The following THSD7B variants were observed in gnomAD, a reference collection of about 807,000 sequenced individuals.
THSD7B encodes thrombospondin type 1 domain containing 7B.
THSD7B carries 138 observed loss-of-function variants against 213.6 expected under a neutral mutation model. The observed-to-expected ratio is 0.65, with a 90% CI of 0.56 to 0.74. The LOEUF (loss-of-function observed/expected upper bound fraction) is 0.74, where lower values mean the gene tolerates loss of function less well. Among genes scored for constraint, THSD7B ranks in the 30% least tolerant of loss-of-function variants. The pLI is 0.00. For synonymous variants in THSD7B, 742 were observed against 687.0 expected, an observed-to-expected ratio of 1.08 and a Z score of -1.25; for missense variants, 1,931 against 1,991.5, an observed-to-expected ratio of 0.97 and a Z score of 0.58.
intron 1 of THSD7B, among the ~76,000 whole-genome samples, chr2:136,784,978 T>G (rs1230142530): frequency 6.6e-6 from 1 of 152,214 alleles, no homozygotes; most frequent in African/African-American, 2.4e-5. Flanking sequence ...AATTGTAGGT[T>G]AACTTCATTA....
At chr2:137,041,933 T>C (rs1686889860) in intron 2 of THSD7B, among the ~76,000 whole-genome samples, 1 of 152,214 alleles carries the variant, frequency 6.6e-6, no homozygotes, top group South Asian at 2.1e-4. Flanking sequence ...GAGCATGTCC[T>C]GTAGGTAGGG....
chr2:137,276,242 A>G (rs1431577624), intron 12 of THSD7B, among the ~76,000 whole-genome samples: 2 of 142,822 alleles, frequency 1.4e-5, no homozygotes, highest in Admixed American at 6.9e-5. Flanking sequence ...TAAGGACTAA[A>G]GCAATATAAG....
intron 17 of THSD7B, among the ~76,000 whole-genome samples, chr2:137,580,204 A>C (rs1681545301): frequency 6.6e-6 from 1 of 152,162 alleles, no homozygotes; most frequent in African/African-American, 2.4e-5. Context: ...TTTTCTAGAT[A>C]TGTTAAAAAA....
At chr2:137,140,615 A>G (rs1487023436) in intron 5 of THSD7B, among the ~76,000 whole-genome samples, 2 of 152,056 alleles carry the variant, frequency 1.3e-5, no homozygotes, top group Non-Finnish European at 2.9e-5. Context: ...TGCCAACTGG[A>G]TAAGAGAGAA....
intron 14 of THSD7B, among the ~76,000 whole-genome samples, chr2:137,419,334 C>A (rs1340090666): frequency 6.6e-6 from 1 of 150,742 alleles, no homozygotes. Context: ...GTAGCCACTG[C>A]AATTGAGCTC....
intron 1 of THSD7B, among the ~76,000 whole-genome samples, chr2:136,870,731 G>A (rs1401722053): frequency 6.6e-6 from 1 of 152,198 alleles, no homozygotes; most frequent in African/African-American, 2.4e-5. Context: ...CAGTGTGTCT[G>A]GGGCACAGGA....
chr2:137,221,050 C>T (rs995225), intron 7 of THSD7B, among the ~76,000 whole-genome samples: 90,720 of 151,922 alleles, frequency 0.6, 27,510 homozygotes, highest in South Asian at 0.71. Context: ...CCTGTAATCC[C>T]AGCACTTTGG....
intron 10 of THSD7B, among the ~76,000 whole-genome samples, chr2:137,254,914 CAG>C (rs1405659206): frequency 1.3e-5 from 2 of 151,664 alleles, no homozygotes; most frequent in Non-Finnish European, 1.5e-5. Flanking sequence ...TATGTCGAGA[CAG>C]AGAAAGAGTG....
chr2:137,536,737 A>G (rs1259488889), intron 15 of THSD7B, among the ~76,000 whole-genome samples: 1 of 151,732 alleles, frequency 6.6e-6, no homozygotes, highest in Admixed American at 6.6e-5. Context: ...TTAGCACATC[A>G]TAATACATTC....
At chr2:136,885,513 T>C (rs916918679) in intron 2 of THSD7B, among the ~76,000 whole-genome samples, 5 of 152,164 alleles carry the variant, frequency 3.3e-5, no homozygotes, top group Non-Finnish European at 7.3e-5. Context: ...GTTAGCTGTG[T>C]CAAGAAAGAA....
chr2:137,611,435 C>T (rs963294308), intron 17 of THSD7B, among the ~76,000 whole-genome samples: 3 of 152,014 alleles, frequency 2.0e-5, no homozygotes, highest in Non-Finnish European at 2.9e-5. Context: ...CTTGGCTCTG[C>T]CTGTAACTGT....
chr2:136,980,817 C>T (rs1685563899), intron 2 of THSD7B, among the ~76,000 whole-genome samples: 1 of 152,166 alleles, frequency 6.6e-6, no homozygotes, highest in African/African-American at 2.4e-5. Flanking sequence ...TTCATGGTTT[C>T]CCTGGCAGGG....
chr2:137,248,910 T>C (rs1320876156), intron 10 of THSD7B, among the ~76,000 whole-genome samples: 2 of 152,204 alleles, frequency 1.3e-5, no homozygotes, highest in East Asian at 3.8e-4. Flanking sequence ...CACAGCAAGA[T>C]GTATAGCTCA....
At chr2:137,451,316 G>A (rs1687647458) in intron 15 of THSD7B, among the ~76,000 whole-genome samples, 1 of 150,834 alleles carries the variant, frequency 6.6e-6, no homozygotes, top group East Asian at 1.9e-4. Flanking sequence ...TTTAAAAGTT[G>A]GATATATATA....
At chr2:136,851,182 A>G (rs1683093598) in intron 1 of THSD7B, among the ~76,000 whole-genome samples, 1 of 152,054 alleles carries the variant, frequency 6.6e-6, no homozygotes, top group Admixed American at 6.6e-5. Context: ...TTTTCATTTG[A>G]GGATTCGTAT....
At chr2:137,494,364 C>A (rs528094720) in intron 15 of THSD7B, among the ~76,000 whole-genome samples, 44 of 152,124 alleles carry the variant, frequency 2.9e-4, no homozygotes, top group Admixed American at 7.8e-4. Context: ...GGAATTTACT[C>A]CTTTAAAAAA....
At chr2:136,954,222 G>A (rs1192090091) in intron 2 of THSD7B, among the ~76,000 whole-genome samples, 1 of 152,180 alleles carries the variant, frequency 6.6e-6, no homozygotes, top group Non-Finnish European at 1.5e-5. Flanking sequence ...GGAATTTAAT[G>A]AGTCAGGGGG....
chr2:136,795,965 C>T (rs951524562), intron 1 of THSD7B, among the ~76,000 whole-genome samples: 4 of 151,742 alleles, frequency 2.6e-5, no homozygotes, highest in African/African-American at 9.7e-5. Context: ...TATTTTTTCC[C>T]CTTTGGTTAT....
chr2:136,983,888 G>A (rs972998730), intron 2 of THSD7B, among the ~76,000 whole-genome samples: 2 of 152,138 alleles, frequency 1.3e-5, no homozygotes, highest in African/African-American at 4.8e-5. Context: ...TGTGGAATGG[G>A]AAATTTCTGG....
Sources: allele counts gnomAD v4.1 joint callset (sites outside exome capture counted in the v4.1 genomes callset), GRCh38; gene constraint gnomAD v4.1.1; transcripts MANE v1.5; gene names NCBI Gene and HGNC (gene_info 2026-07-23, HGNC 2026-07-21).